Variants in VSTM2L observed in about 807,000 individuals in gnomAD.
VSTM2L encodes the protein V-set and transmembrane domain-containing protein 2-like protein.
A neutral mutation model predicts 19.9 loss-of-function variants in VSTM2L; 9 were observed. The ratio of observed to expected loss-of-function variants is 0.45; its 90% confidence interval spans 0.27 to 0.79. The LOEUF is 0.79. VSTM2L is among the 30% of genes least tolerant of loss of function. The pLI, the probability that VSTM2L is intolerant of heterozygous loss-of-function variation, is 0.15. For synonymous variants in VSTM2L, 127 were observed against 133.8 expected (o/e 0.95, Z 0.35); for missense variants, 286 against 295.5 (o/e 0.97, Z 0.24).
chr20:37,935,135 AG>A (rs2072932065), intron 3 of VSTM2L, among the ~76,000 whole-genome samples: 5 of 152,322 alleles, frequency 3.3e-5, no homozygotes, highest in Admixed American at 3.3e-4. Context: ...TTAGAATTCC[AG>A]GCTGCTGGGT....
Position 37,944,792 on chromosome 20 carries a change from G to T in VSTM2L, c.*539G>T. 7.1e-6 allele frequency: 7 copies of T among 986,294 alleles called. No homozygotes were observed. Among genetic ancestry groups the T allele is most frequent in the Non-Finnish European group, 8.4e-6 (7 of 830,364 alleles). The allele number at this position is 986,294 out of a possible 1,614,324, so 61.1% of individuals were successfully genotyped here. On this transcript the variant is annotated 3_prime_UTR_variant, in exon 4 of 4. Coordinates refer to ENST00000373461, the MANE Select transcript of VSTM2L (RefSeq NM_080607.3). ...CCTTCTGGGGCAGTGGCTCTGCAGG[G>T]TCACTCATGGAGGCCTAGGGGAACA...
chr20:37,904,541 T>C (rs1222933238), intron 1 of VSTM2L, among the ~76,000 whole-genome samples: 1 of 152,188 alleles, frequency 6.6e-6, no homozygotes, highest in African/African-American at 2.4e-5. Flanking sequence ...AGCCTGGCTC[T>C]GGGATGGAGG....
At chr20:37,914,178 ATGTG>A (rs1050808135) in intron 1 of VSTM2L, among the ~76,000 whole-genome samples, 10 of 148,454 alleles carry the variant, frequency 6.7e-5, no homozygotes, top group Non-Finnish European at 9.0e-5. Context: ...GTGTGTGCAT[ATGTG>A]TGTATGTGTG....
intron 1 of VSTM2L, among the ~76,000 whole-genome samples, chr20:37,928,350 G>A (rs1185421787): frequency 6.6e-6 from 1 of 152,186 alleles, no homozygotes; most frequent in Non-Finnish European, 1.5e-5. Context: ...GTGGGTGTCA[G>A]GGAAGACTCC....
chr20:37,943,333 G>A (rs556195360), intron 3 of VSTM2L, among the ~76,000 whole-genome samples: 12 of 152,130 alleles, frequency 7.9e-5, no homozygotes, highest in African/African-American at 2.2e-4. Context: ...GGAGTGCAGT[G>A]GTGCAATCAC....
At chr20:37,916,053 C>T (rs1483669962) in intron 1 of VSTM2L, among the ~76,000 whole-genome samples, 2 of 152,194 alleles carry the variant, frequency 1.3e-5, no homozygotes, top group Admixed American at 1.3e-4. Flanking sequence ...TTGATGCAGC[C>T]TCCTTTGCTT....
intron 1 of VSTM2L, among the ~76,000 whole-genome samples, chr20:37,905,905 T>C (rs1461135043): frequency 6.6e-6 from 1 of 152,052 alleles, no homozygotes; most frequent in Non-Finnish European, 1.5e-5. Context: ...GAATACCAAT[T>C]TGATAAAAGC....
chr20:37,926,834 C>T (rs2072881864), intron 1 of VSTM2L, among the ~76,000 whole-genome samples: 1 of 152,216 alleles, frequency 6.6e-6, no homozygotes, highest in African/African-American at 2.4e-5. Context: ...AGAGCTCACT[C>T]ACCACCTGCT....
At chr20:37,914,384 G>T (rs371493940) in intron 1 of VSTM2L, among the ~76,000 whole-genome samples, 3 of 150,454 alleles carry the variant, frequency 2.0e-5, no homozygotes, top group Admixed American at 6.6e-5. Flanking sequence ...GTGGGTGTAT[G>T]TGTGGGTGTG....
intron 3 of VSTM2L, among the ~76,000 whole-genome samples, chr20:37,936,923 A>AT: frequency 6.7e-6 from 1 of 149,288 alleles, no homozygotes; most frequent in East Asian, 1.9e-4. Flanking sequence ...GGGCAAGGGA[A>AT]TAAAAAAAAA....
intron 1 of VSTM2L, among the ~76,000 whole-genome samples, chr20:37,906,402 G>T (rs1270560951): frequency 1.3e-5 from 2 of 152,196 alleles, no homozygotes; most frequent in African/African-American, 4.8e-5. Flanking sequence ...TCAATAAACA[G>T]GAGTGATTTT....
chr20:37,927,546 C>T (rs973576556), intron 1 of VSTM2L, among the ~76,000 whole-genome samples: 2 of 152,258 alleles, frequency 1.3e-5, no homozygotes, highest in South Asian at 2.1e-4. Context: ...CCATGCCATG[C>T]CAGGGCCCAG....
At position 37,933,525 on chromosome 20, in the gene VSTM2L, C is replaced by T. The variant is rs776828322; in HGVS notation, c.292-14C>T. ...CTTGTCTCTGCTCTCTCCGCCCCTC[C>T]CCGATCCCAACAGCTAAAAGCATCT... is the stretch of plus-strand genomic sequence containing the variant. On this transcript the variant is annotated splice_polypyrimidine_tract_variant and intron_variant, in intron 2 of 3. Coordinates refer to ENST00000373461, the MANE Select transcript of VSTM2L (RefSeq NM_080607.3). The T allele has an allele frequency of 1.2e-6, 2 of 1,613,512 alleles. No individual in the cohort carries two copies. The highest frequency in any genetic ancestry group is 1.7e-6 in the Non-Finnish European group (2 of 1,179,818).
In VSTM2L at chr20:37,922,090, C is replaced by T. The variant is rs187489697; in HGVS notation, c.122-9545C>T. ...CCCCATTTGTAAGTATATGGTTCAG[C>T]CGCATCAAGAACATTCAGGCTGCTG... is the stretch of plus-strand genomic sequence containing the variant. On this transcript the variant is annotated intron_variant, in intron 1 of 3. Coordinates refer to ENST00000373461, the MANE Select transcript of VSTM2L (RefSeq NM_080607.3). Among the ~76,000 whole-genome samples, 4 of 152,216 alleles carry T rather than the reference C, an allele frequency of 2.6e-5. No individual in the cohort carries two copies. In the East Asian group the frequency reaches 5.8e-4, roughly 22 times the overall value.
rs867509994 is a variant in VSTM2L at position 37,925,961 on chromosome 20, G to A, written c.122-5674G>A. Among the ~76,000 whole-genome samples the A allele has an allele frequency of 1.1e-4, 17 of 152,250 alleles. 1 individual carries two copies. The highest frequency in any genetic ancestry group is 6.3e-3 in the Middle Eastern group (2 of 316). On this transcript the variant is annotated intron_variant, in intron 1 of 3. Transcript: ENST00000373461. ...CCGATTGCCTCCAGCTGGGTGAAATGCCTCTGCTGTGCCTGCCCAGGCCTT... is the reference window on the plus strand; with the variant it reads ...CCGATTGCCTCCAGCTGGGTGAAATACCTCTGCTGTGCCTGCCCAGGCCTT...
At chr20:37,920,913 GATTGATTC>G (rs1282516616) in intron 1 of VSTM2L, among the ~76,000 whole-genome samples, 23 of 143,940 alleles carry the variant, frequency 1.6e-4, no homozygotes, top group African/African-American at 3.1e-4. Flanking sequence ...TTGATTGATT[GATTGATTC>G]ATTCATTCAT....
intron 1 of VSTM2L, among the ~76,000 whole-genome samples, chr20:37,913,974 G>A (rs1041931864): frequency 2.0e-5 from 3 of 152,088 alleles, no homozygotes; most frequent in African/African-American, 4.8e-5. Context: ...GGCTGGATGC[G>A]GGCGTGCACG....
At chr20:37,925,124 T>C (rs555327601) in intron 1 of VSTM2L, among the ~76,000 whole-genome samples, 1 of 152,202 alleles carries the variant, frequency 6.6e-6, no homozygotes, top group South Asian at 2.1e-4. Flanking sequence ...GAAATGGATT[T>C]TTTTTTTAAA....
intron 1 of VSTM2L, among the ~76,000 whole-genome samples, chr20:37,915,597 G>T (rs2072813920): frequency 6.6e-6 from 1 of 152,100 alleles, no homozygotes; most frequent in Admixed American, 6.5e-5. Context: ...GAGGAAACCG[G>T]GCTAGAAGCT....
Sources: gnomAD v4.1 joint callset for allele counts (sites outside exome capture counted in the v4.1 genomes callset) on GRCh38, gnomAD v4.1.1 for gene constraint, MANE v1.5 for transcripts, NCBI Gene and HGNC (gene_info 2026-07-23, HGNC 2026-07-21) for gene names.